Variants in BRINP1 observed in about 807,000 individuals in gnomAD.
The protein encoded by BRINP1 is BMP/retinoic acid-inducible neural-specific protein 1.
A neutral mutation model predicts 72.9 loss-of-function variants in BRINP1; 17 were observed. The observed-to-expected ratio is 0.23, with a 90% CI of 0.16 to 0.35. The LOEUF (loss-of-function observed/expected upper bound fraction) is 0.35. BRINP1 is among the 10% of genes least tolerant of loss of function. BRINP1 has a pLI of 1.00. For missense variants in BRINP1, 850 were observed against 1,001.6 expected (o/e 0.85, Z 2.04); for synonymous variants, 418 against 378.5 (o/e 1.10, Z -1.21).
intron 1 of BRINP1, among the ~76,000 whole-genome samples, chr9:119,345,084 G>A (rs1331220705): frequency 3.3e-5 from 5 of 152,174 alleles, no homozygotes; most frequent in African/African-American, 9.7e-5. Flanking sequence ...AAGTGAAATC[G>A]AGAGAGCCGG....
chr9:119,344,607 G>A (rs987372838), intron 1 of BRINP1, among the ~76,000 whole-genome samples: 1 of 152,232 alleles, frequency 6.6e-6, no homozygotes, highest in Non-Finnish European at 1.5e-5. Context: ...AGATGAAAAT[G>A]TGGGTGGATG....
In BRINP1 at chr9:119,336,887, A is replaced by G. The variant is rs2119017777; in HGVS notation, c.-50-23482T>C. ...GATAGCTCCCTTTTAGATGAATACA[A>G]TATAAAAGCAACCAGGTGAATGGGT... On this transcript the variant is annotated intron_variant, in intron 1 of 7. Coordinates refer to ENST00000265922, the MANE Select transcript of BRINP1 (RefSeq NM_014618.3). 1.3e-5 allele frequency among the ~76,000 whole-genome samples: 2 copies of G among 152,284 alleles called. 1 individual carries two copies. The highest frequency in any genetic ancestry group is 4.2e-4 in the South Asian group (2 of 4,818).
intron 2 of BRINP1, among the ~76,000 whole-genome samples, chr9:119,306,667 C>T (rs1047121112): frequency 1.3e-5 from 2 of 152,184 alleles, no homozygotes; most frequent in African/African-American, 4.8e-5. Context: ...ATCTTACTTC[C>T]TAAGGAATAC....
At chr9:119,233,905 T>C (rs1393808543) in intron 5 of BRINP1, among the ~76,000 whole-genome samples, 1 of 152,208 alleles carries the variant, frequency 6.6e-6, no homozygotes, top group African/African-American at 2.4e-5. Context: ...CCTGTACTCA[T>C]TTACGTCTAA....
At chr9:119,258,883 CT>C (rs1291254433) in intron 2 of BRINP1, among the ~76,000 whole-genome samples, 2 of 152,166 alleles carry the variant, frequency 1.3e-5, no homozygotes, top group African/African-American at 2.4e-5. Flanking sequence ...GTGAAGGCCA[CT>C]TGGAAAATCT....
chr9:119,282,815 G>C, intron 2 of BRINP1: 2 of 985,306 alleles, frequency 2.0e-6, no homozygotes, highest in Non-Finnish European at 2.4e-6. Context: ...GAAACCAAGG[G>C]GAGAGTAATA....
chr9:119,361,490 G>A (rs1831629439), intron 1 of BRINP1, among the ~76,000 whole-genome samples: 1 of 152,172 alleles, frequency 6.6e-6, no homozygotes, highest in Non-Finnish European at 1.5e-5. Context: ...AGTCTGTGCT[G>A]TAAGGTATGA....
At chr9:119,356,841 T>C (rs1831572692) in intron 1 of BRINP1, among the ~76,000 whole-genome samples, 1 of 151,642 alleles carries the variant, frequency 6.6e-6, no homozygotes, top group Non-Finnish European at 1.5e-5. Flanking sequence ...TATGACAGAA[T>C]GAAAGTCATA....
chr9:119,343,163 T>A (rs1168329954), intron 1 of BRINP1, among the ~76,000 whole-genome samples: 1 of 152,188 alleles, frequency 6.6e-6, no homozygotes, highest in Non-Finnish European at 1.5e-5. Flanking sequence ...CTTTGGCTGC[T>A]GTGCTGTGTC....
chr9:119,270,653 A>C (rs1414952289), intron 2 of BRINP1, among the ~76,000 whole-genome samples: 1 of 152,210 alleles, frequency 6.6e-6, no homozygotes, highest in Non-Finnish European at 1.5e-5. Context: ...GATAAGACAG[A>C]TTTAACTGAC....
At chr9:119,266,789 T>G (rs1830552404) in intron 2 of BRINP1, among the ~76,000 whole-genome samples, 1 of 152,254 alleles carries the variant, frequency 6.6e-6, no homozygotes, top group South Asian at 2.1e-4. Flanking sequence ...CTTAGCATAA[T>G]GTTCTCCGGT....
intron 1 of BRINP1, among the ~76,000 whole-genome samples, chr9:119,324,371 T>TG (rs1831218139): frequency 6.6e-6 from 1 of 152,182 alleles, no homozygotes; most frequent in Non-Finnish European, 1.5e-5. Flanking sequence ...TGTGATAACT[T>TG]GGTGTTTTTA....
intron 1 of BRINP1, among the ~76,000 whole-genome samples, chr9:119,354,676 A>T (rs1831540730): frequency 6.6e-6 from 1 of 150,822 alleles, no homozygotes; most frequent in African/African-American, 2.4e-5. Flanking sequence ...CCTGGGCAAC[A>T]TAGCAAGAAC....
At chr9:119,260,570 C>A (rs1184484320) in intron 2 of BRINP1, among the ~76,000 whole-genome samples, 1 of 152,160 alleles carries the variant, frequency 6.6e-6, no homozygotes, top group Non-Finnish European at 1.5e-5. Context: ...CAAAAGTATT[C>A]TCTTGCTCCC....
Position 119,369,134 on chromosome 9 carries a change from C to T in BRINP1, c.-129G>A. On this transcript the variant is annotated 5_prime_UTR_variant, in exon 1 of 8. Transcript: ENST00000265922. The stretch of plus-strand genomic sequence containing the variant: ...GGCTCGGTGGGAACTTGGGAGAGCC[C>T]TGCGTGCAGCTCGCATTCCGGGCAC... 2.5e-6 allele frequency: 1 copy of T among 398,122 alleles called. No homozygotes were observed. The highest frequency in any genetic ancestry group is 3.6e-5 in the East Asian group (1 of 28,000). 24.7% of individuals were successfully genotyped at this position (398,122 alleles called of 1,614,324 possible).
intron 1 of BRINP1, among the ~76,000 whole-genome samples, chr9:119,340,211 A>G (rs1831392448): frequency 6.6e-6 from 1 of 152,232 alleles, no homozygotes; most frequent in African/African-American, 2.4e-5. Context: ...GATATAAATC[A>G]GGACAATTAA....
At chr9:119,345,407 T>C (rs903430527) in intron 1 of BRINP1, among the ~76,000 whole-genome samples, 3 of 152,184 alleles carry the variant, frequency 2.0e-5, no homozygotes, top group Non-Finnish European at 2.9e-5. Context: ...TTCAATCTCT[T>C]CCATCCCAAA....
chr9:119,306,452 C>T (rs1256851252), intron 2 of BRINP1, among the ~76,000 whole-genome samples: 1 of 152,112 alleles, frequency 6.6e-6, no homozygotes, highest in East Asian at 1.9e-4. Flanking sequence ...AGGGGAGGTA[C>T]AGGTTCATGC....
chr9:119,333,310 A>G (rs1831318090), intron 1 of BRINP1, among the ~76,000 whole-genome samples: 1 of 151,836 alleles, frequency 6.6e-6, no homozygotes, highest in Non-Finnish European at 1.5e-5. Flanking sequence ...AAAATACAAA[A>G]AAATTAGCCA....
Sources: allele counts gnomAD v4.1 joint callset (sites outside exome capture counted in the v4.1 genomes callset), GRCh38; gene constraint gnomAD v4.1.1; transcripts MANE v1.5; gene names NCBI Gene and HGNC (gene_info 2026-07-23, HGNC 2026-07-21).